Variants in NTN4 observed in about 807,000 individuals in gnomAD.
NTN4 encodes netrin-4.
A neutral mutation model predicts 73.6 loss-of-function variants in NTN4; 32 were observed. The ratio of observed to expected loss-of-function variants is 0.44; its 90% CI spans 0.33 to 0.58. NTN4 has a LOEUF of 0.58. NTN4 is among the 20% of genes least tolerant of loss of function. The pLI is 0.04. For missense variants in NTN4, 654 were observed against 798.3 expected, an observed-to-expected ratio of 0.82 and a Z score of 2.18; for synonymous variants, 258 against 287.5, an observed-to-expected ratio of 0.90 and a Z score of 1.04.
At chr12:95,733,388 A>G (rs2121161108) in intron 3 of NTN4, among the ~76,000 whole-genome samples, 1 of 152,324 alleles carries the variant, frequency 6.6e-6, no homozygotes, top group Middle Eastern at 3.4e-3. Flanking sequence ...GCTGTGATTT[A>G]TTTTTGTCAT....
At chr12:95,782,571 C>G (rs547860739) in intron 2 of NTN4, among the ~76,000 whole-genome samples, 16 of 152,236 alleles carry the variant, frequency 1.1e-4, no homozygotes, top group African/African-American at 3.9e-4. Flanking sequence ...GGATTACAGG[C>G]GTGAGCCACT....
At chr12:95,721,767 C>T (rs1476986182) in intron 3 of NTN4, among the ~76,000 whole-genome samples, 2 of 152,124 alleles carry the variant, frequency 1.3e-5, no homozygotes, top group Non-Finnish European at 2.9e-5. Context: ...AGGTTGCTGG[C>T]TTATTTCCAT....
rs1323777637 is a variant in NTN4 at position 95,741,441 on chromosome 12, A to ATG, written c.586-3298_586-3297insCA. Among the ~76,000 whole-genome samples the ATG allele has an allele frequency of 1.9e-4, 19 of 98,008 alleles. 1 individual carries two copies. The highest frequency in any genetic ancestry group is 2.0e-4 in the Admixed American group (2 of 10,234). The allele number at this position is 98,008 out of a possible 152,430, so 64.3% of individuals were successfully genotyped here. A position where few individuals can be genotyped will look rare whatever the true frequency, so the allele number is the denominator to read the frequency against. ...TTATGTATAAATTATATATATATAT[A>ATG]TATATATATATATATATATATATAT... On this transcript the variant is annotated intron_variant, in intron 2 of 9. Coordinates refer to ENST00000343702, the MANE Select transcript of NTN4 (RefSeq NM_021229.4).
Position 95,737,886 on chromosome 12 carries a change from C to T in NTN4, c.844G>A (p.Ala282Thr), listed in dbSNP as rs1466378205. 5.0e-6 allele frequency: 8 copies of T among 1,612,782 alleles called. No homozygotes were observed. The highest frequency in any genetic ancestry group is 2.2e-5 in the East Asian group (1 of 44,860). ...IPVHGFRPVKAPGTFHMVHGK... is the reference protein window; with the variant it reads ...IPVHGFRPVKTPGTFHMVHGK... ...CCTACCATGTGGAATGTTCCTGGGG[C>T]CTTGACAGGTCTGAAGCCATGAACA... Residue 282 changes from alanine (A) to threonine (T), a missense_variant, in exon 3 of 10, where the codon GCC becomes ACC. Ala to Thr is a moderately conservative substitution (Grantham distance 58). Coordinates refer to ENST00000343702, the MANE Select transcript of NTN4 (RefSeq NM_021229.4).
chr12:95,698,835 C>CG (rs1289360116), intron 5 of NTN4, among the ~76,000 whole-genome samples: 1 of 150,782 alleles, frequency 6.6e-6, no homozygotes, highest in Admixed American at 6.6e-5. Flanking sequence ...CCAGCCTGTG[C>CG]GATAGAGTGA....
chr12:95,724,710 A>G (rs988898955), intron 3 of NTN4, among the ~76,000 whole-genome samples: 1 of 152,166 alleles, frequency 6.6e-6, no homozygotes, highest in African/African-American at 2.4e-5. Flanking sequence ...CTATAATACT[A>G]TATGGGAAAC....
At chr12:95,735,127 A>G (rs912419553) in intron 3 of NTN4, among the ~76,000 whole-genome samples, 3 of 152,242 alleles carry the variant, frequency 2.0e-5, no homozygotes, top group African/African-American at 7.2e-5. Context: ...AGAAAAAAGT[A>G]TAGATAAAAG....
At chr12:95,741,417 T>TAATG (rs1565903629) in intron 2 of NTN4, among the ~76,000 whole-genome samples, 1 of 109,214 alleles carries the variant, frequency 9.2e-6, no homozygotes, top group Non-Finnish European at 1.9e-5. Flanking sequence ...TAATGTAAAT[T>TAATG]ATGTATAAAT....
chr12:95,742,365 TAAAA>T (rs58390951), intron 2 of NTN4, among the ~76,000 whole-genome samples: 1 of 136,526 alleles, frequency 7.3e-6, no homozygotes, highest in Admixed American at 7.4e-5. Flanking sequence ...ATGGTGGCGT[TAAAA>T]AAAAAAAAAA....
intron 3 of NTN4, among the ~76,000 whole-genome samples, chr12:95,729,635 G>GTA (rs2078723419): frequency 6.1e-5 from 4 of 65,198 alleles, no homozygotes; most frequent in African/African-American, 4.1e-4. Context: ...GAGAGAGAGT[G>GTA]TGTGTGTGTG....
intron 2 of NTN4, among the ~76,000 whole-genome samples, chr12:95,766,000 G>A (rs975191870): frequency 2.0e-5 from 3 of 152,254 alleles, no homozygotes; most frequent in South Asian, 2.1e-4. Context: ...ACTCACACAC[G>A]CAGACTGCCA....
intron 2 of NTN4, among the ~76,000 whole-genome samples, chr12:95,755,361 G>A (rs542728824): frequency 1.3e-5 from 2 of 152,312 alleles, no homozygotes; most frequent in Admixed American, 6.5e-5. Context: ...AAGTTTCCAG[G>A]GTTGCAGCGA....
chr12:95,725,604 C>T (rs1045276300), intron 3 of NTN4, among the ~76,000 whole-genome samples: 7 of 152,098 alleles, frequency 4.6e-5, no homozygotes, highest in African/African-American at 1.7e-4. Context: ...ATACAGGGCA[C>T]AGGGTATTAC....
chr12:95,759,224 G>A (rs752321715), intron 2 of NTN4, among the ~76,000 whole-genome samples: 2 of 152,070 alleles, frequency 1.3e-5, no homozygotes, highest in Non-Finnish European at 2.9e-5. Flanking sequence ...TCTTAGATCT[G>A]TGGATTTATA....
chr12:95,721,673 G>T (rs762916913), intron 3 of NTN4, among the ~76,000 whole-genome samples: 1 of 152,204 alleles, frequency 6.6e-6, no homozygotes, highest in Non-Finnish European at 1.5e-5. Context: ...GTAGTGTGAT[G>T]ACTTCTAGTC....
chr12:95,662,235 CT>C (rs71087990), intron 9 of NTN4, among the ~76,000 whole-genome samples: 2,977 of 118,330 alleles, frequency 0.025, 29 homozygotes, highest in East Asian at 0.083. Context: ...CTTTTTCTTT[CT>C]TTTTTTTTTT....
chr12:95,726,469 A>G (rs2078694691), intron 3 of NTN4, among the ~76,000 whole-genome samples: 1 of 152,248 alleles, frequency 6.6e-6, no homozygotes, highest in South Asian at 2.1e-4. Flanking sequence ...TTATGGCTGG[A>G]TAATAGTCCA....
chr12:95,678,370 A>G (rs2078290520), intron 7 of NTN4, among the ~76,000 whole-genome samples: 1 of 148,212 alleles, frequency 6.7e-6, no homozygotes, highest in Non-Finnish European at 1.5e-5. Context: ...AAAAAAAAAG[A>G]ATAGTTTGAT....
chr12:95,708,067 G>C (rs1384107325), intron 5 of NTN4, among the ~76,000 whole-genome samples: 1 of 152,012 alleles, frequency 6.6e-6, no homozygotes, highest in Non-Finnish European at 1.5e-5. Flanking sequence ...CATTTTGTTA[G>C]CACATGGAGA....
Sources: gnomAD v4.1 joint callset for allele counts (sites outside exome capture counted in the v4.1 genomes callset) on GRCh38, gnomAD v4.1.1 for gene constraint, MANE v1.5 for transcripts, NCBI Gene and HGNC (gene_info 2026-07-23, HGNC 2026-07-21) for gene names.